Variants in PCYT1B observed in about 807,000 individuals in gnomAD.
The protein encoded by PCYT1B is phosphate cytidylyltransferase 1B, choline.
PCYT1B carries 10 observed loss-of-function variants against 26.4 expected under a neutral mutation model. That is an observed-to-expected ratio of 0.38 (90% CI 0.23 to 0.64). The LOEUF is 0.64. Ranked by LOEUF, PCYT1B falls within the 30% of genes least tolerant of loss-of-function variation. The pLI, the probability that PCYT1B is intolerant of heterozygous loss-of-function variation, is 0.56. For missense variants in PCYT1B, 161 were observed against 292.7 expected (o/e 0.55, Z 3.28); for synonymous variants, 131 against 108.4 (o/e 1.21, Z -1.29).
chrX:24,665,832 A>G (rs189522474), intron 1 of PCYT1B, among the ~76,000 whole-genome samples: 61 of 111,231 alleles, frequency 5.5e-4, no homozygotes, highest in Admixed American at 5.3e-3. Flanking sequence ...TTTATGAGGC[A>G]GGTAGGTGCA....
In PCYT1B at chrX:24,562,207, T is replaced by C; in HGVS notation, c.*86A>G. The C allele has an allele frequency of 8.4e-7, 1 of 1,188,964 alleles. No individual in the cohort carries two copies. Among genetic ancestry groups the C allele is most frequent in the South Asian group, 1.9e-5 (1 of 53,858 alleles). On this transcript the variant is annotated 3_prime_UTR_variant, in exon 8 of 8. Coordinates refer to ENST00000379144, the MANE Select transcript of PCYT1B (RefSeq NM_004845.5). ...GCTGAGCTGCAGCTCCTGTGACTAT[T>C]ACCCTTCAAACACCACCCAGGCAAC...
intron 5 of PCYT1B, among the ~76,000 whole-genome samples, chrX:24,583,401 A>G (rs1262875682): frequency 9.0e-6 from 1 of 111,361 alleles, no homozygotes; most frequent in African/African-American, 3.3e-5. Flanking sequence ...CCCCACCAAC[A>G]TCTGATTACA....
upstream of PCYT1B, among the ~76,000 whole-genome samples, chrX:24,648,078 C>CA (rs1425487767): frequency 8.9e-6 from 1 of 111,848 alleles, no homozygotes; most frequent in Admixed American, 9.5e-5. Context: ...CCTACTTTAC[C>CA]AGTCGTGGGT....
intron 7 of PCYT1B, among the ~76,000 whole-genome samples, chrX:24,573,637 C>T (rs1923926268): frequency 9.0e-6 from 1 of 111,429 alleles, no homozygotes; most frequent in Non-Finnish European, 1.9e-5. Flanking sequence ...TTAAAATACA[C>T]ACTAGATTAA....
chrX:24,616,879 G>T (rs192337552), intron 2 of PCYT1B, among the ~76,000 whole-genome samples: 1 of 112,027 alleles, frequency 8.9e-6, no homozygotes, highest in Non-Finnish European at 1.9e-5. Flanking sequence ...TCTATTGAAG[G>T]CTATTCTTAT....
intron 1 of PCYT1B, among the ~76,000 whole-genome samples, chrX:24,622,294 C>T (rs1374642025): frequency 1.8e-5 from 2 of 111,534 alleles, no homozygotes; most frequent in Non-Finnish European, 3.8e-5. Flanking sequence ...CCAACCAGCC[C>T]GGTGACCTGA....
Position 24,560,027 on chromosome X carries a change from G to A in PCYT1B, c.*2266C>T, listed in dbSNP as rs1395012976. On this transcript the variant is annotated 3_prime_UTR_variant, in exon 8 of 8. Coordinates refer to ENST00000379144, the MANE Select transcript of PCYT1B (RefSeq NM_004845.5). ...CAGCAATGGTGACATTATCTGATGA[G>A]TCACGTAAGTGGCACCTGTCAGTAT... 1 of 111,993 alleles carries A rather than the reference G, an allele frequency of 8.9e-6. No individual in the cohort carries two copies. Among genetic ancestry groups the A allele is most frequent in the Non-Finnish European group, 1.9e-5 (1 of 53,225 alleles). The allele number at this position is 111,993 out of a possible 1,213,427, so 9.2% of individuals were successfully genotyped here. A position where few individuals can be genotyped will look rare whatever the true frequency, so the allele number is the denominator to read the frequency against.
chrX:24,656,626 G>A (rs1446841042), intron 1 of PCYT1B, among the ~76,000 whole-genome samples: 4 of 87,773 alleles, frequency 4.6e-5, no homozygotes, highest in African/African-American at 1.8e-4. Context: ...GCATGATCTC[G>A]GCTCACTGCA....
In PCYT1B at chrX:24,587,328, G is replaced by C; in HGVS notation, c.487-9C>G. The C allele has an allele frequency of 8.8e-7, 1 of 1,129,952 alleles. No individual in the cohort carries two copies. Among genetic ancestry groups the C allele is most frequent in the Non-Finnish European group, 1.2e-6 (1 of 821,240 alleles). The allele number at this position is 1,129,952 out of a possible 1,213,427, so 93.1% of individuals were successfully genotyped here. On this transcript the variant is annotated splice_polypyrimidine_tract_variant and intron_variant, in intron 4 of 7. Coordinates refer to ENST00000379144, the MANE Select transcript of PCYT1B (RefSeq NM_004845.5). Reference sequence around the variant, plus strand: ...TGAGCCACAAAGTCAATCTGTTGAAGAGAGAGAAGAGTGATGTCACCACTG... The same window carrying C: ...TGAGCCACAAAGTCAATCTGTTGAACAGAGAGAAGAGTGATGTCACCACTG...
chrX:24,647,474 C>T (rs1352180292), upstream of PCYT1B: 1 of 117,893 alleles, frequency 8.5e-6, no homozygotes, highest in African/African-American at 3.2e-5. Flanking sequence ...CCCACGGGCC[C>T]GAACTTGCTG....
chrX:24,577,326 C>T (rs1375429367), intron 6 of PCYT1B, among the ~76,000 whole-genome samples: 1 of 112,209 alleles, frequency 8.9e-6, no homozygotes, highest in Non-Finnish European at 1.9e-5. Flanking sequence ...TGCACGGTTC[C>T]TTGAGCTAAG....
intron 3 of PCYT1B, among the ~76,000 whole-genome samples, chrX:24,597,116 CT>C (rs1488610140): frequency 1.8e-5 from 2 of 109,082 alleles, no homozygotes; most frequent in Non-Finnish European, 3.8e-5. Flanking sequence ...ACAGACTTTT[CT>C]TTTTTCTTTT....
upstream of PCYT1B, chrX:24,647,447 T>G: frequency 6.5e-6 from 1 of 152,999 alleles, no homozygotes; most frequent in Non-Finnish European, 1.1e-5. Flanking sequence ...CCGGGCCCCA[T>G]TGGCTAGCCC....
At chrX:24,647,736 T>C (rs937216660), upstream of PCYT1B, among the ~76,000 whole-genome samples, 12 of 111,487 alleles carry the variant, frequency 1.1e-4, no homozygotes, top group African/African-American at 4.0e-4. Context: ...CCCAAATTCA[T>C]TGTGCTAATT....
At chrX:24,621,823 T>C (rs1925709863) in intron 1 of PCYT1B, 2 of 717,397 alleles carry the variant, frequency 2.8e-6, no homozygotes, top group Middle Eastern at 8.0e-4. Flanking sequence ...ACAAAGTTTA[T>C]TAAAGAGGAG....
chrX:24,616,506 T>C (rs1044350424), intron 2 of PCYT1B, among the ~76,000 whole-genome samples: 1 of 111,837 alleles, frequency 8.9e-6, no homozygotes, highest in Non-Finnish European at 1.9e-5. Context: ...CCCAAAGTGC[T>C]GGGATTACAG....
chrX:24,663,516 G>A (rs1382511257), intron 1 of PCYT1B, among the ~76,000 whole-genome samples: 7 of 112,418 alleles, frequency 6.2e-5, no homozygotes, highest in Non-Finnish European at 3.8e-5. Context: ...AGCCCTTCTT[G>A]TTATCTGGAC....
At chrX:24,603,465 T>C (rs1328859379) in intron 3 of PCYT1B, among the ~76,000 whole-genome samples, 1 of 112,282 alleles carries the variant, frequency 8.9e-6, no homozygotes, top group Non-Finnish European at 1.9e-5. Flanking sequence ...ATGCCTGTAA[T>C]CCCAGCATTT....
intron 1 of PCYT1B, among the ~76,000 whole-genome samples, chrX:24,664,451 G>A (rs183452091): frequency 8.9e-6 from 1 of 111,925 alleles, no homozygotes; most frequent in African/African-American, 3.2e-5. Flanking sequence ...TTGCCTTCAA[G>A]TTTCACTTAC....
Sources: allele counts gnomAD v4.1 joint callset (sites outside exome capture counted in the v4.1 genomes callset), GRCh38; gene constraint gnomAD v4.1.1; transcripts MANE v1.5; gene names NCBI Gene and HGNC (gene_info 2026-07-23, HGNC 2026-07-21).